Variants in SLC26A3 observed in about 807,000 individuals in gnomAD.
SLC26A3 encodes chloride anion exchanger.
SLC26A3 carries 64 observed loss-of-function variants against 85.6 expected under a neutral mutation model. The observed-to-expected ratio is 0.75, with a 90% CI of 0.61 to 0.92. SLC26A3 has a LOEUF of 0.92. Ranked by LOEUF, SLC26A3 falls within the 40% of genes least tolerant of loss-of-function variation. SLC26A3 has a pLI of 0.00. For synonymous variants in SLC26A3, 349 were observed against 336.0 expected, an observed-to-expected ratio of 1.04 and a Z score of -0.42; for missense variants, 922 against 927.3, an observed-to-expected ratio of 0.99 and a Z score of 0.07.
In SLC26A3 at chr7:107,794,609, C is replaced by G. The variant is rs1195047677; in HGVS notation, c.-88-12G>C. The G allele has an allele frequency of 3.9e-6, 5 of 1,276,602 alleles. No homozygotes were observed. The highest frequency in any genetic ancestry group is 5.7e-6 in the Non-Finnish European group (5 of 875,320). The allele number at this position is 1,276,602 out of a possible 1,614,324, so 79.1% of individuals were successfully genotyped here. ...CAGGTTAAAAATGCCTGAAACCAAA[C>G]AGAGCTTGCTTCTTAAATAACTCAG... On this transcript the variant is annotated splice_polypyrimidine_tract_variant and intron_variant, in intron 1 of 20. Transcript: ENST00000340010.
chr7:107,802,252 C>G (rs910163118), intron 1 of SLC26A3, among the ~76,000 whole-genome samples: 7 of 151,792 alleles, frequency 4.6e-5, no homozygotes, highest in African/African-American at 1.7e-4. Flanking sequence ...TAATCTTTTC[C>G]TGACATTTTA....
chr7:107,774,278 G>GAGCCACCACACC, intron 16 of SLC26A3, 125 bp from the exon 17 acceptor site: 1 of 793,102 alleles, frequency 1.3e-6, no homozygotes, highest in Non-Finnish European at 2.2e-6. Flanking sequence ...TGGACTAGGT[G>GAGCCACCACACC]TGGTGGCTCA....
At chr7:107,772,206 C>G (rs1794040433) in intron 17 of SLC26A3, 98 bp from the exon 18 acceptor site, 2 of 728,472 alleles carry the variant, frequency 2.7e-6, no homozygotes, top group Non-Finnish European at 4.9e-6. Flanking sequence ...TGATATATTC[C>G]TTTTAGAAGC....
intron 8 of SLC26A3, among the ~76,000 whole-genome samples, chr7:107,783,891 T>C (rs1200399473): frequency 2.0e-5 from 3 of 152,340 alleles, no homozygotes; most frequent in East Asian, 3.9e-4. Context: ...ATGACCCTAA[T>C]GGAGAGTGGA....
chr7:107,782,681 C>T (rs549940395), intron 11 of SLC26A3, 116 bp downstream of exon 11: 2 of 977,618 alleles, frequency 2.0e-6, no homozygotes, highest in Admixed American at 3.5e-5. Context: ...AAGAAGAGTA[C>T]TTGAGAGTTT....
At chr7:107,775,242 T>C (rs1286120432) in intron 15 of SLC26A3, among the ~76,000 whole-genome samples, 4 of 152,190 alleles carry the variant, frequency 2.6e-5, no homozygotes, top group Non-Finnish European at 5.9e-5. Flanking sequence ...CCTACATAAG[T>C]ATTCTGCTTG....
At position 107,765,725 on chromosome 7, in the gene SLC26A3, G is replaced by C. The variant is rs886061898; in HGVS notation, c.*130C>G. ...AAATATGCCATGCTAGAACCATCTT[G>C]TTCCAAAGTTTGAAACATATTCTGT... On this transcript the variant is annotated 3_prime_UTR_variant, in exon 21 of 21. Coordinates refer to ENST00000340010, the MANE Select transcript of SLC26A3 (RefSeq NM_000111.3). The C allele has an allele frequency of 1.4e-6, 1 of 701,600 alleles. No individual in the cohort carries two copies. Among genetic ancestry groups the C allele is most frequent in the Non-Finnish European group, 2.5e-6 (1 of 393,604 alleles). The allele number at this position is 701,600 out of a possible 1,614,324, so 43.5% of individuals were successfully genotyped here.
intron 3 of SLC26A3, 133 bp downstream of exon 3, chr7:107,793,609 G>A: frequency 1.5e-6 from 1 of 682,302 alleles, no homozygotes; most frequent in Non-Finnish European, 2.5e-6. Flanking sequence ...GGGGTTGGTG[G>A]TGGTGAAAAT....
At position 107,779,667 on chromosome 7, in the gene SLC26A3, C is replaced by A; in HGVS notation, c.1407+1G>T. On this transcript the variant is annotated splice_donor_variant, in intron 12 of 20. Coordinates refer to ENST00000340010, the MANE Select transcript of SLC26A3 (RefSeq NM_000111.3). LOFTEE classifies it high-confidence loss of function. ...TTTCAAATACTATTGCCTCTACTTA[C>A]ACAATCATATTTGTCCTTTCGCCAC... 1 of 1,607,706 alleles carries A rather than the reference C, an allele frequency of 6.2e-7. No homozygotes were observed. Among genetic ancestry groups the A allele is most frequent in the Non-Finnish European group, 8.5e-7 (1 of 1,174,250 alleles).
At chr7:107,794,814 CA>C (rs1366414080) in intron 1 of SLC26A3, among the ~76,000 whole-genome samples, 1 of 152,016 alleles carries the variant, frequency 6.6e-6, no homozygotes, top group Non-Finnish European at 1.5e-5. Flanking sequence ...TTTAATTTGC[CA>C]AAAAGTAACA....
At chr7:107,776,595 A>G in intron 14 of SLC26A3, 42 bp downstream of exon 14, 3 of 1,606,022 alleles carry the variant, frequency 1.9e-6, no homozygotes, top group Non-Finnish European at 2.6e-6. Context: ...TCCATAGTTA[A>G]TATCATTTAG....
intron 1 of SLC26A3, among the ~76,000 whole-genome samples, chr7:107,797,739 C>CATTTTTTTTTTTTTTTTTTTTTTT (rs781396459): frequency 4.3e-5 from 3 of 70,530 alleles, no homozygotes; most frequent in African/African-American, 1.7e-4. Flanking sequence ...TTGAGCAGGA[C>CATTTTTTTTTTTTTTTTTTTTTTT]CTTTTTTTTT....
At position 107,794,458 on chromosome 7, in the gene SLC26A3, T is replaced by C. The variant is rs1243257855; in HGVS notation, c.52A>G (p.Thr18Ala). 1 of 1,614,014 alleles carries C rather than the reference T, an allele frequency of 6.2e-7. No individual in the cohort carries two copies. The highest frequency in any genetic ancestry group is 1.1e-5 in the South Asian group (1 of 91,072). The change falls in exon 2 of 21, where the codon ACA becomes GCA. Residue 18 changes from threonine (T) to alanine (A), a missense_variant. Physicochemically the swap from Thr to Ala is moderately conservative, Grantham distance 58 (BLOSUM62 0). Coordinates refer to ENST00000340010, the MANE Select transcript of SLC26A3 (RefSeq NM_000111.3). ...TTATGATTTTCCTCAAAAGCATTTG[T>C]AGAATACACTGGCCTGGCCACAATA... ...QYIVARPVYS[T>A]NAFEENHKKT...
chr7:107,800,537 C>T (rs1794581780), intron 1 of SLC26A3, among the ~76,000 whole-genome samples: 1 of 152,226 alleles, frequency 6.6e-6, no homozygotes, highest in African/African-American at 2.4e-5. Context: ...TATGTCTATT[C>T]CATGTCATAC....
rs142116047 is a variant in SLC26A3, at chr7:107,791,833, C to T, written c.379G>A (p.Val127Met). The T allele has an allele frequency of 1.6e-5, 25 of 1,596,722 alleles. No homozygotes were observed. Among genetic ancestry groups the T allele is most frequent in the Non-Finnish European group, 1.8e-5 (21 of 1,164,504 alleles). Residue 127 changes from valine (V) to methionine (M), a missense_variant, in exon 4 of 21, where the codon GTG (valine) becomes ATG (methionine). Transcript: ENST00000340010. ...ATCAGCTCAGTAACTGACTTACCCA[C>T]GGATATGTGTCTGGAAGTGCCGAAG... ...LFFGTSRHISVGPFPILSMMV... is the reference protein window; with the variant it reads ...LFFGTSRHISMGPFPILSMMV...
chr7:107,772,721 C>G (rs1794046386), intron 17 of SLC26A3, among the ~76,000 whole-genome samples: 1 of 151,882 alleles, frequency 6.6e-6, no homozygotes, highest in Non-Finnish European at 1.5e-5. Context: ...GAATTAGAGC[C>G]CCTGTCCTTT....
At chr7:107,784,678 C>T (rs887665964) in intron 8 of SLC26A3, among the ~76,000 whole-genome samples, 8 of 152,192 alleles carry the variant, frequency 5.3e-5, no homozygotes, top group East Asian at 1.9e-4. Flanking sequence ...GTGATTCACC[C>T]GCCTCGACCT....
intron 5 of SLC26A3, among the ~76,000 whole-genome samples, chr7:107,790,386 A>G (rs1794374250): frequency 6.6e-6 from 1 of 152,228 alleles, no homozygotes; most frequent in Non-Finnish European, 1.5e-5. Context: ...GAAATAACTA[A>G]CCAAATTGTC....
intron 12 of SLC26A3, among the ~76,000 whole-genome samples, chr7:107,778,588 C>G (rs561724747): frequency 6.6e-6 from 1 of 152,194 alleles, no homozygotes; most frequent in South Asian, 2.1e-4. Flanking sequence ...CTAATCCCAT[C>G]TCCAACTCAT....
Sources: gnomAD v4.1 joint callset for allele counts (sites outside exome capture counted in the v4.1 genomes callset) on GRCh38, gnomAD v4.1.1 for gene constraint, MANE v1.5 for transcripts, NCBI Gene and HGNC (gene_info 2026-07-23, HGNC 2026-07-21) for gene names.